The following GABBR2 variants were observed in gnomAD, a reference collection of about 807,000 sequenced individuals.
GABBR2 encodes the protein gamma-aminobutyric acid type B receptor subunit 2.
A neutral mutation model predicts 105.6 loss-of-function variants in GABBR2; 23 were observed. The ratio of observed to expected loss-of-function variants is 0.22; its 90% CI spans 0.16 to 0.31. GABBR2 has a LOEUF of 0.31. Among genes scored for constraint, GABBR2 ranks in the 10% least tolerant of loss-of-function variants. GABBR2 has a pLI of 1.00. For missense variants in GABBR2, 734 were observed against 1,245.5 expected, an observed-to-expected ratio of 0.59 and a Z score of 6.18; for synonymous variants, 478 against 499.7, an observed-to-expected ratio of 0.96 and a Z score of 0.58.
chr9:98,577,983 G>A lies in GABBR2; in HGVS notation c.411C>T (p.Ser137=), dbSNP rs56067237. 1.8e-5 allele frequency: 29 copies of A among 1,613,850 alleles called. No individual in the cohort carries two copies. The highest frequency in any genetic ancestry group is 4.5e-5 in the East Asian group (2 of 44,898). Reference sequence around the variant, plus strand: ...GGGACTCTGCAATGATGGATGTGACGGATGGACAGACGCCTCCAAACACCA... The same window carrying A: ...GGGACTCTGCAATGATGGATGTGACAGATGGACAGACGCCTCCAAACACCA... ...HLMVFGGVCP[S]VTSIIAESLQ... Residue 137 remains serine, a synonymous_variant, in exon 2 of 19, where the codon TCC becomes TCT. Coordinates refer to ENST00000259455, the MANE Select transcript of GABBR2 (RefSeq NM_005458.8).
At position 98,454,402 on chromosome 9, in the gene GABBR2, A is replaced by G. The variant is rs1826289880; in HGVS notation, c.1000-185T>C. 6.6e-6 allele frequency among the ~76,000 whole-genome samples: 1 copy of G among 152,104 alleles called. No individual in the cohort carries two copies. The highest frequency in any genetic ancestry group is 2.4e-5 in the African/African-American group (1 of 41,390). On this transcript the variant is annotated intron_variant, in intron 6 of 18. Coordinates refer to ENST00000259455, the MANE Select transcript of GABBR2 (RefSeq NM_005458.8). This position sits in a 1 kb window ranked among gnomAD's most constrained non-coding sequence, Gnocchi z 4.6. ...TAAGGTGGGTACTGTTATTGTCCCCATTTTACAGACCCCCCATTTTCAGGG... is the reference window on the plus strand; with the variant it reads ...TAAGGTGGGTACTGTTATTGTCCCCGTTTTACAGACCCCCCATTTTCAGGG...
intron 13 of GABBR2, among the ~76,000 whole-genome samples, chr9:98,324,386 C>T (rs764326001): frequency 4.3e-4 from 66 of 152,164 alleles, no homozygotes; most frequent in Non-Finnish European, 9.3e-4. Flanking sequence ...CTGTGACATG[C>T]TCACCCTGAG....
intron 13 of GABBR2, among the ~76,000 whole-genome samples, chr9:98,342,066 C>T (rs957639559): frequency 1.2e-4 from 18 of 152,004 alleles, no homozygotes; most frequent in Admixed American, 7.2e-4. Flanking sequence ...CAAGAGGGGA[C>T]CGGCACACAG....
intron 13 of GABBR2, among the ~76,000 whole-genome samples, chr9:98,327,314 G>A (rs1830941045): frequency 6.6e-6 from 1 of 152,084 alleles, no homozygotes; most frequent in Non-Finnish European, 1.5e-5. Flanking sequence ...CCTCTCGACT[G>A]CTGGTGTCAC....
At chr9:98,666,020 G>A (rs1281991133) in intron 1 of GABBR2, among the ~76,000 whole-genome samples, 9 of 152,158 alleles carry the variant, frequency 5.9e-5, no homozygotes, top group Admixed American at 4.6e-4. Flanking sequence ...ATCCACTAAC[G>A]CAGATCCTAC....
intron 11 of GABBR2, among the ~76,000 whole-genome samples, chr9:98,383,220 T>C (rs56281459): frequency 0.13 from 20,185 of 152,100 alleles, 1,697 homozygotes; most frequent in African/African-American, 0.23. Context: ...GGATTATAGG[T>C]GTGAGCCACT....
intron 1 of GABBR2, among the ~76,000 whole-genome samples, chr9:98,686,229 G>A (rs560026214): frequency 2.0e-5 from 3 of 152,110 alleles, no homozygotes; most frequent in East Asian, 1.9e-4. Flanking sequence ...AGCCAGAATC[G>A]TCCCTTACCC....
rs61216428 is a variant in GABBR2 at position 98,390,375 on chromosome 9, C to CAAAAAAAAAAAAAA, written c.1379-1385_1379-1372dup. The stretch of plus-strand genomic sequence containing the variant: ...GGTGACAGAGCAAGACTCCATCTCA[C>CAAAAAAAAAAAAAA]AAAAAAAAAAAAAAAAAAAAAAAAA... On this transcript the variant is annotated intron_variant, in intron 9 of 18. Coordinates refer to ENST00000259455, the MANE Select transcript of GABBR2 (RefSeq NM_005458.8). Among the ~76,000 whole-genome samples, 23 of 32,436 alleles carry CAAAAAAAAAAAAAA rather than the reference C, an allele frequency of 7.1e-4. 4 individuals carry two copies. The highest frequency in any genetic ancestry group is 2.2e-3 in the African/African-American group (22 of 9,946). 21.3% of individuals were successfully genotyped at this position (32,436 alleles called of 152,430 possible).
intron 2 of GABBR2, among the ~76,000 whole-genome samples, chr9:98,558,733 T>C (rs1828624492): frequency 6.6e-6 from 1 of 152,222 alleles, no homozygotes; most frequent in African/African-American, 2.4e-5. Context: ...TCATCATGAC[T>C]ACACTGAAAT....
At chr9:98,695,125 G>C (rs570847058) in intron 1 of GABBR2, among the ~76,000 whole-genome samples, 2 of 152,254 alleles carry the variant, frequency 1.3e-5, no homozygotes, top group East Asian at 3.9e-4. Context: ...AAATTGTTCT[G>C]TTTTACCTTG....
intron 7 of GABBR2, among the ~76,000 whole-genome samples, chr9:98,421,518 A>G (rs1832782245): frequency 6.6e-6 from 1 of 152,190 alleles, no homozygotes; most frequent in African/African-American, 2.4e-5. Context: ...CAGGATTTAA[A>G]TATTTATTTA....
chr9:98,609,106 T>TA (rs899913970), intron 1 of GABBR2, among the ~76,000 whole-genome samples: 2 of 152,206 alleles, frequency 1.3e-5, no homozygotes, highest in African/African-American at 4.8e-5. Context: ...GTTTGTATTG[T>TA]AAAAAATTCA....
intron 7 of GABBR2, among the ~76,000 whole-genome samples, chr9:98,425,067 AAAGG>A (rs955059869): frequency 1.5e-4 from 23 of 152,238 alleles, no homozygotes; most frequent in Admixed American, 1.2e-3. Context: ...TGCTTAATGA[AAAGG>A]AAGAAAAAAG....
chr9:98,580,045 T>G (rs951568980), intron 1 of GABBR2, among the ~76,000 whole-genome samples: 1 of 152,304 alleles, frequency 6.6e-6, no homozygotes, highest in East Asian at 1.9e-4. Flanking sequence ...CTTATCACAA[T>G]GGAAGCCACT....
intron 1 of GABBR2, among the ~76,000 whole-genome samples, chr9:98,694,431 C>T (rs903832093): frequency 2.0e-5 from 3 of 152,232 alleles, no homozygotes; most frequent in Admixed American, 6.5e-5. Context: ...AGAGGAAACA[C>T]GTTAACTACC....
chr9:98,580,525 C>T (rs897855440), intron 1 of GABBR2, among the ~76,000 whole-genome samples: 7 of 152,180 alleles, frequency 4.6e-5, no homozygotes, highest in Admixed American at 2.6e-4. Flanking sequence ...CGAAGGCTCA[C>T]GCCCGTAATC....
At chr9:98,479,933 T>TATA (rs1826879697) in intron 5 of GABBR2, among the ~76,000 whole-genome samples, 1 of 152,232 alleles carries the variant, frequency 6.6e-6, no homozygotes, top group Non-Finnish European at 1.5e-5. Flanking sequence ...TTTGTTCTAA[T>TATA]ATAATATGTT....
At chr9:98,529,017 G>A (rs1292089124) in intron 3 of GABBR2, among the ~76,000 whole-genome samples, 5 of 152,056 alleles carry the variant, frequency 3.3e-5, no homozygotes, top group Admixed American at 6.5e-5. Flanking sequence ...GTTCAATAAC[G>A]GCAGCCTTCT....
chr9:98,500,762 G>A (rs528567200), intron 3 of GABBR2, among the ~76,000 whole-genome samples: 14 of 152,282 alleles, frequency 9.2e-5, no homozygotes, highest in Admixed American at 2.6e-4. Flanking sequence ...CCATCCATGT[G>A]AGTTCGTGCC....
Sources: gnomAD v4.1 joint callset for allele counts (sites outside exome capture counted in the v4.1 genomes callset) on GRCh38, gnomAD v4.1.1 for gene constraint, Gnocchi (gnomAD v3.1) non-coding constraint, MANE v1.5 for transcripts, NCBI Gene and HGNC (gene_info 2026-07-23, HGNC 2026-07-21) for gene names.